The following EYS variants were observed in gnomAD, a reference collection of about 807,000 sequenced individuals.
The protein encoded by EYS is EGF-like photoreceptor maintenance factor.
EYS carries 250 observed loss-of-function variants against 282.1 expected under a neutral mutation model. The ratio of observed to expected loss-of-function variants is 0.89; its 90% CI spans 0.80 to 0.98. EYS has a LOEUF of 0.98. EYS is among the 50% of genes least tolerant of loss of function. The pLI is 0.00. For synonymous variants in EYS, 1,355 were observed against 1,282.9 expected (o/e 1.06, Z -1.20); for missense variants, 4,016 against 3,709.0 (o/e 1.08, Z -2.15).
intron 12 of EYS, among the ~76,000 whole-genome samples, chr6:65,095,859 C>A (rs960877634): frequency 6.6e-6 from 1 of 150,502 alleles, no homozygotes; most frequent in African/African-American, 2.4e-5. Flanking sequence ...GGGCAAAAAA[C>A]GGAAAACTTT....
intron 5 of EYS, among the ~76,000 whole-genome samples, chr6:65,443,027 CACAT>C (rs1435329979): frequency 8.7e-6 from 1 of 115,086 alleles, no homozygotes; most frequent in Non-Finnish European, 2.1e-5. Context: ...TAAATATACA[CACAT>C]ATATACACAG....
intron 1 of EYS, among the ~76,000 whole-genome samples, chr6:65,677,105 GAAAA>G (rs58880200): frequency 0.096 from 10,292 of 107,758 alleles, 882 homozygotes; most frequent in African/African-American, 0.28. Context: ...AGTCATTGGT[GAAAA>G]AAAAAAAAAA....
intron 30 of EYS, 126 bp downstream of exon 30, chr6:64,306,844 A>C: frequency 1.6e-6 from 1 of 629,688 alleles, no homozygotes; most frequent in Non-Finnish European, 2.8e-6. Context: ...AGAACGTAGG[A>C]ATGTGAAGCA....
At chr6:64,549,393 A>C (rs1191876642) in intron 26 of EYS, among the ~76,000 whole-genome samples, 1 of 152,136 alleles carries the variant, frequency 6.6e-6, no homozygotes, top group Non-Finnish European at 1.5e-5. Context: ...TTTTTAGTTG[A>C]TTTTTGTGTC....
chr6:63,799,999 G>A (rs554103788), intron 37 of EYS, among the ~76,000 whole-genome samples: 3 of 152,174 alleles, frequency 2.0e-5, no homozygotes, highest in African/African-American at 7.2e-5. Flanking sequence ...GAGCCTGGGC[G>A]GGGGAGAATG....
chr6:64,423,551 A>T (rs974120366), intron 28 of EYS, among the ~76,000 whole-genome samples: 3 of 152,176 alleles, frequency 2.0e-5, no homozygotes, highest in African/African-American at 4.8e-5. Context: ...TTTCACAGGT[A>T]TGTTAAGAAA....
chr6:65,337,681 C>G (rs1481286949), intron 10 of EYS, among the ~76,000 whole-genome samples: 1 of 150,848 alleles, frequency 6.6e-6, no homozygotes, highest in Non-Finnish European at 1.5e-5. Flanking sequence ...GCTATATTTT[C>G]TAGCTTATAA....
chr6:65,348,175 A>C (rs1477207711), intron 9 of EYS, among the ~76,000 whole-genome samples: 2 of 151,842 alleles, frequency 1.3e-5, no homozygotes, highest in African/African-American at 4.8e-5. Context: ...GCTATTGTGA[A>C]CAGTGCTGAA....
At chr6:64,559,819 T>C (rs1765341864) in intron 26 of EYS, among the ~76,000 whole-genome samples, 2 of 152,110 alleles carry the variant, frequency 1.3e-5, no homozygotes, top group African/African-American at 4.8e-5. Flanking sequence ...GGTAAACTCG[T>C]GTCACAGGGG....
chr6:65,375,553 G>A (rs1251111346), intron 8 of EYS, among the ~76,000 whole-genome samples: 1 of 152,084 alleles, frequency 6.6e-6, no homozygotes, highest in Non-Finnish European at 1.5e-5. Flanking sequence ...TGAACTGACA[G>A]AAGTAGGCTT....
chr6:65,221,318 G>A (rs1766458384), intron 12 of EYS, among the ~76,000 whole-genome samples: 1 of 152,140 alleles, frequency 6.6e-6, no homozygotes, highest in African/African-American at 2.4e-5. Context: ...CATGCCCAGA[G>A]GCCTAGGAGG....
chr6:64,388,626 T>C (rs1470444987), intron 29 of EYS, 64 bp downstream of exon 29: 3 of 1,346,976 alleles, frequency 2.2e-6, no homozygotes, highest in Non-Finnish European at 2.0e-6. Flanking sequence ...TTTTCATTTA[T>C]CAATATGATG....
chr6:65,013,468 A>C (rs1251393109), intron 13 of EYS, among the ~76,000 whole-genome samples: 1 of 152,182 alleles, frequency 6.6e-6, no homozygotes. Flanking sequence ...CGGTGCAATA[A>C]GTGGTAAACA....
intron 26 of EYS, among the ~76,000 whole-genome samples, chr6:64,462,384 G>A (rs1222047337): frequency 6.6e-6 from 1 of 152,120 alleles, no homozygotes; most frequent in Non-Finnish European, 1.5e-5. Flanking sequence ...ACATCTCACT[G>A]GGCTCAGTGG....
chr6:64,570,904 T>C (rs540722589), intron 26 of EYS, among the ~76,000 whole-genome samples: 156 of 152,236 alleles, frequency 1.0e-3, no homozygotes, highest in South Asian at 3.1e-3. Context: ...ATTCATGACT[T>C]GAACTCAGCT....
chr6:63,941,087 T>C (rs1421668660), intron 35 of EYS, among the ~76,000 whole-genome samples: 8 of 152,214 alleles, frequency 5.3e-5, no homozygotes, highest in Non-Finnish European at 1.5e-5. Context: ...CTATCACTGA[T>C]GGACATTTGG....
intron 26 of EYS, among the ~76,000 whole-genome samples, chr6:64,551,289 G>A (rs1765073622): frequency 6.6e-6 from 1 of 150,870 alleles, no homozygotes; most frequent in Non-Finnish European, 1.5e-5. Context: ...AAAAATAAAG[G>A]TTTGGAGAGT....
chr6:64,082,078 T>C, intron 31 of EYS, 76 bp from the exon 32 acceptor site: 1 of 991,714 alleles, frequency 1.0e-6, no homozygotes, highest in Non-Finnish European at 1.5e-6. Flanking sequence ...TTAGCATTTA[T>C]AGTTAGCATT....
chr6:65,568,081 A>C (rs1764341076), intron 2 of EYS, among the ~76,000 whole-genome samples: 1 of 152,116 alleles, frequency 6.6e-6, no homozygotes, highest in Non-Finnish European at 1.5e-5. Flanking sequence ...AAGAAGATCA[A>C]GAGTAACAAC....
Sources: allele counts gnomAD v4.1 joint callset (sites outside exome capture counted in the v4.1 genomes callset), GRCh38; gene constraint gnomAD v4.1.1; transcripts MANE v1.5; gene names NCBI Gene and HGNC (gene_info 2026-07-23, HGNC 2026-07-21).